The following ADAMTS12 variants were observed in gnomAD, a reference collection of about 807,000 sequenced individuals.
ADAMTS12 encodes the protein A disintegrin and metalloproteinase with thrombospondin motifs 12.
Under a neutral mutation model 167.8 loss-of-function variants are expected in ADAMTS12, and 118 were observed. The ratio of observed to expected loss-of-function variants is 0.70; its 90% CI spans 0.61 to 0.82. ADAMTS12 has a LOEUF of 0.82. Among genes scored for constraint, ADAMTS12 ranks in the 40% least tolerant of loss-of-function variants. ADAMTS12 has a pLI of 0.00. For synonymous variants in ADAMTS12, 704 were observed against 716.9 expected (o/e 0.98, Z 0.29); for missense variants, 1,916 against 1,998.8 (o/e 0.96, Z 0.79).
chr5:33,772,483 G>T (rs1281703650), intron 2 of ADAMTS12, among the ~76,000 whole-genome samples: 1 of 152,226 alleles, frequency 6.6e-6, no homozygotes, highest in Non-Finnish European at 1.5e-5. Context: ...CCAAGGTGCT[G>T]TATTACTCAC....
At chr5:33,608,633 C>A (rs560661920) in intron 16 of ADAMTS12, among the ~76,000 whole-genome samples, 133 of 152,190 alleles carry the variant, frequency 8.7e-4, no homozygotes, top group African/African-American at 3.1e-3. Flanking sequence ...ACTGCAGGAA[C>A]AAGAGGAAAG....
intron 14 of ADAMTS12, among the ~76,000 whole-genome samples, chr5:33,620,503 A>G (rs1376118076): frequency 6.6e-6 from 1 of 152,254 alleles, no homozygotes; most frequent in Non-Finnish European, 1.5e-5. Flanking sequence ...CACAATAGCA[A>G]GAGGAGGTGG....
Position 33,614,331 on chromosome 5 carries a change from T to C in ADAMTS12, c.2434A>G (p.Ile812Val). 1.2e-6 allele frequency: 2 copies of C among 1,614,116 alleles called. No individual in the cohort carries two copies. The highest frequency in any genetic ancestry group is 1.7e-6 in the Non-Finnish European group (2 of 1,179,980). Reference sequence around the variant, plus strand: ...TCATTGTCAAGGCCATCTTTCTGGATTGTGTACTCATACTTGATGCCAGGG... The same window carrying C: ...TCATTGTCAAGGCCATCTTTCTGGACTGTGTACTCATACTTGATGCCAGGG... Reference protein sequence around the residue: ...TNPGIKYEYTIQKDGLDNDVE... With the variant: ...TNPGIKYEYTVQKDGLDNDVE... Residue 812 changes from isoleucine to valine, a missense_variant, in exon 16 of 24, where the codon ATC becomes GTC. By Grantham distance (29) the Ile-to-Val change is conservative. Coordinates refer to ENST00000504830, the MANE Select transcript of ADAMTS12 (RefSeq NM_030955.4).
At chr5:33,634,061 G>T (rs1740079804) in intron 12 of ADAMTS12, among the ~76,000 whole-genome samples, 1 of 152,126 alleles carries the variant, frequency 6.6e-6, no homozygotes, top group South Asian at 2.1e-4. Context: ...TTTCAATTTT[G>T]CAGAAACAGG....
At position 33,761,683 on chromosome 5, in the gene ADAMTS12, G is replaced by A. The variant is rs565489141; in HGVS notation, c.490-10135C>T. 1.2e-4 allele frequency among the ~76,000 whole-genome samples: 18 copies of A among 152,174 alleles called. No individual in the cohort carries two copies. In the East Asian group the frequency reaches 3.1e-3, roughly 26 times the overall value. ...CACACCCGCTGTCTCCATTTTCTAC[G>A]GCCGACTAATGTCATAATTATAGCA... On this transcript the variant is annotated intron_variant, in intron 2 of 23. Transcript: ENST00000504830.
intron 14 of ADAMTS12, among the ~76,000 whole-genome samples, chr5:33,619,426 T>A (rs999305543): frequency 6.6e-6 from 1 of 152,164 alleles, no homozygotes; most frequent in Non-Finnish European, 1.5e-5. Flanking sequence ...GGCACTTTCA[T>A]CCACATTAAA....
chr5:33,607,617 T>C (rs1738513293), intron 16 of ADAMTS12, among the ~76,000 whole-genome samples: 1 of 152,210 alleles, frequency 6.6e-6, no homozygotes. Context: ...GCCGTTTTAA[T>C]GATATTGATG....
chr5:33,762,653 G>T (rs879866731), intron 2 of ADAMTS12, among the ~76,000 whole-genome samples: 2 of 152,136 alleles, frequency 1.3e-5, no homozygotes, highest in Non-Finnish European at 2.9e-5. Flanking sequence ...TACAGCAGCT[G>T]GTGGCCAAAG....
At chr5:33,739,133 C>T (rs1366302928) in intron 3 of ADAMTS12, among the ~76,000 whole-genome samples, 1 of 152,162 alleles carries the variant, frequency 6.6e-6, no homozygotes, top group Non-Finnish European at 1.5e-5. Flanking sequence ...ACAGGTAGAA[C>T]TTCCATAAAT....
At chr5:33,585,038 TATCCATCCATCCATCC>T (rs34073710) in intron 18 of ADAMTS12, among the ~76,000 whole-genome samples, 10,496 of 150,498 alleles carry the variant, frequency 0.07, 449 homozygotes, top group Middle Eastern at 0.1. Context: ...GTTATCCATG[TATCCATCCATCCATCC>T]ATCCATCCAT....
At chr5:33,595,297 C>T (rs1376319702) in intron 17 of ADAMTS12, among the ~76,000 whole-genome samples, 1 of 152,290 alleles carries the variant, frequency 6.6e-6, no homozygotes, top group African/African-American at 2.4e-5. Context: ...TGGCTGTCAA[C>T]TGAGGATGAT....
In ADAMTS12 at chr5:33,615,997, A is replaced by C; in HGVS notation, c.2219T>G (p.Phe740Cys). 6.2e-7 allele frequency: 1 copy of C among 1,614,150 alleles called. No homozygotes were observed. The highest frequency in any genetic ancestry group is 8.5e-7 in the Non-Finnish European group (1 of 1,180,000). The stretch of plus-strand genomic sequence containing the variant: ...AGGATCTTCACTCCTGATGGCCAGG[A>C]AGTTTCCAGCTCCCTCAATTTCCAT... ...RVMEIEGAGNFLAIRSEDPEK... is the reference protein window; with the variant it reads ...RVMEIEGAGNCLAIRSEDPEK... Residue 740 changes from phenylalanine to cysteine, a missense_variant, in exon 15 of 24, where the codon TTC becomes TGC. By Grantham distance (205) the Phe-to-Cys change is radical (BLOSUM62 -2). Transcript: ENST00000504830.
chr5:33,864,887 T>C (rs376054048), intron 2 of ADAMTS12, among the ~76,000 whole-genome samples: 1 of 151,918 alleles, frequency 6.6e-6, no homozygotes, highest in Non-Finnish European at 1.5e-5. Context: ...ATACCTAATG[T>C]AGATGACAGG....
intron 6 of ADAMTS12, among the ~76,000 whole-genome samples, chr5:33,661,596 A>C (rs1035965171): frequency 6.6e-6 from 1 of 152,206 alleles, no homozygotes; most frequent in African/African-American, 2.4e-5. Context: ...GAGGCTCTGC[A>C]AGCAAGCTTC....
intron 18 of ADAMTS12, among the ~76,000 whole-genome samples, chr5:33,582,806 A>G (rs1223664465): frequency 6.6e-6 from 1 of 152,242 alleles, no homozygotes; most frequent in East Asian, 1.9e-4. Context: ...AACTTTTGCT[A>G]TAAAAAACAT....
intron 2 of ADAMTS12, among the ~76,000 whole-genome samples, chr5:33,803,460 G>A (rs943944369): frequency 6.6e-6 from 1 of 152,154 alleles, no homozygotes; most frequent in African/African-American, 2.4e-5. Context: ...GAACCATTCT[G>A]GTTGTGTTTG....
chr5:33,748,185 C>A (rs1744857033), intron 3 of ADAMTS12, among the ~76,000 whole-genome samples: 1 of 152,220 alleles, frequency 6.6e-6, no homozygotes, highest in South Asian at 2.1e-4. Flanking sequence ...CCCACAGAGA[C>A]TTCCACCTAA....
intron 2 of ADAMTS12, among the ~76,000 whole-genome samples, chr5:33,848,953 G>A (rs1749056471): frequency 1.3e-5 from 2 of 149,946 alleles, no homozygotes; most frequent in Admixed American, 1.3e-4. Flanking sequence ...GTTGAGAAGA[G>A]ACATCTATAT....
chr5:33,688,753 C>T (rs1440935517), intron 3 of ADAMTS12, among the ~76,000 whole-genome samples: 1 of 152,196 alleles, frequency 6.6e-6, no homozygotes, highest in Non-Finnish European at 1.5e-5. Context: ...CCAGTGTGAG[C>T]AATGAGGCTG....
Sources: allele counts gnomAD v4.1 joint callset (sites outside exome capture counted in the v4.1 genomes callset), GRCh38; gene constraint gnomAD v4.1.1; transcripts MANE v1.5; gene names NCBI Gene and HGNC (gene_info 2026-07-23, HGNC 2026-07-21).